Variants in PHYKPL observed in about 807,000 individuals in gnomAD.
PHYKPL encodes the protein 5-phosphonooxy-L-lysine phospho-lyase.
Under a neutral mutation model 51.3 loss-of-function variants are expected in PHYKPL, and 42 were observed. The observed-to-expected ratio is 0.82, with a 90% CI of 0.64 to 1.06. The LOEUF is 1.06. Among genes scored for constraint, PHYKPL ranks in the 50% least tolerant of loss-of-function variants. The pLI, the probability that PHYKPL is intolerant of heterozygous loss-of-function variation, is 0.00. For synonymous variants in PHYKPL, 264 were observed against 236.0 expected (o/e 1.12, Z -1.09); for missense variants, 655 against 586.6 (o/e 1.12, Z -1.20).
At chr5:178,226,888 CGT>C (rs746687791) in intron 3 of PHYKPL, among the ~76,000 whole-genome samples, 5 of 151,886 alleles carry the variant, frequency 3.3e-5, no homozygotes, top group South Asian at 2.1e-4. Context: ...AAAATGAATG[CGT>C]GTGTTTGTAT....
At chr5:178,228,872 C>G (rs906540309) in intron 3 of PHYKPL, among the ~76,000 whole-genome samples, 1 of 152,174 alleles carries the variant, frequency 6.6e-6, no homozygotes, top group Non-Finnish European at 1.5e-5. Context: ...TGATTAAAGC[C>G]TCCGATAGTT....
rs1437953201 is a variant in PHYKPL at position 178,222,895 on chromosome 5, C to T, written c.658G>A (p.Gly220Arg). The change falls in exon 7 of 13, where the codon GGG becomes AGG. Residue 220 changes from glycine to arginine, a missense_variant. Transcript: ENST00000308158. ...TAGCCAGCAGGGGGAATGATCTGCC[C>T]TCCCACACTGGGCAGAGACTCAGCG... ...FFAESLPSVG[G>R]QIIPPAGYFS... 10 of 1,614,048 alleles carry T rather than the reference C, an allele frequency of 6.2e-6. No homozygotes were observed. The highest frequency in any genetic ancestry group is 8.5e-6 in the Non-Finnish European group (10 of 1,180,040).
rs548919221 is a variant in PHYKPL, at chr5:178,208,832, A to T, written c.*115T>A. The T allele has an allele frequency of 2.6e-5, 4 of 153,554 alleles. No homozygotes were observed. Among genetic ancestry groups the T allele is most frequent in the African/African-American group, 9.6e-5 (4 of 41,588 alleles). 9.5% of individuals were successfully genotyped at this position (153,554 alleles called of 1,614,324 possible). ...GCCTCGGGCAGGCCCCCCCACCCTG[A>T]GCCTCTGAAAGCTGACTTTATCTGT... On this transcript the variant is annotated 3_prime_UTR_variant, in exon 13 of 13. Transcript: ENST00000308158.
intron 8 of PHYKPL, 198 bp from the exon 9 acceptor site, chr5:178,215,628 T>C (rs1759620594): frequency 1.7e-6 from 1 of 594,434 alleles, no homozygotes. Flanking sequence ...CAGGAGCTAA[T>C]GTGACTGCAA....
downstream of PHYKPL, chr5:178,207,297 G>A (rs2113547009): frequency 5.7e-6 from 9 of 1,568,860 alleles, no homozygotes; most frequent in Non-Finnish European, 7.8e-6. Flanking sequence ...TGGGTTAGGG[G>A]TTGGGCCTCA....
chr5:178,211,220 C>CTG (rs1758256150), intron 12 of PHYKPL: 1 of 140,252 alleles, frequency 7.1e-6, no homozygotes, highest in Admixed American at 7.1e-5. Flanking sequence ...TCGAGGGAGG[C>CTG]GGGGGGGGGG....
At chr5:178,222,763 G>T in intron 7 of PHYKPL, 89 bp downstream of exon 7, 1 of 1,476,816 alleles carries the variant, frequency 6.8e-7, no homozygotes, top group South Asian at 1.2e-5. Flanking sequence ...TGGCAGTCAG[G>T]ACAGGCTGAG....
At chr5:178,210,907 T>C in intron 12 of PHYKPL, 1 of 493,904 alleles carries the variant, frequency 2.0e-6, no homozygotes, top group South Asian at 2.5e-5. Context: ...GCTGCCGCTC[T>C]GCAGCCTGGA....
chr5:178,231,444 CCT>C lies in PHYKPL; in HGVS notation c.137_138del (p.Gln46ArgfsTer27), dbSNP rs756008627. On this transcript the variant is annotated frameshift_variant, in exon 2 of 13. Coordinates refer to ENST00000308158, the MANE Select transcript of PHYKPL (RefSeq NM_153373.4). LOFTEE classifies it high-confidence loss of function. ...CTGATGCAATCGATGTATTCTGCCC[CCT>C]GTTCATCGTACATGTACTGCCCTTG... ...RAQGQYMYDEQGAEYIDCISN... is the reference protein window; with the variant it reads ...RAQGQYMYDEXGAEYIDCISN... The C allele has an allele frequency of 1.1e-5, 18 of 1,614,092 alleles. No homozygotes were observed. The highest frequency in any genetic ancestry group is 2.2e-5 in the East Asian group (1 of 44,896).
intron 12 of PHYKPL, chr5:178,210,642 C>A: frequency 6.3e-7 from 1 of 1,587,020 alleles, no homozygotes; most frequent in Non-Finnish European, 8.7e-7. Flanking sequence ...CAGGAGCGAC[C>A]AACTGATCGC....
intron 12 of PHYKPL, chr5:178,210,623 A>AG: frequency 1.2e-6 from 2 of 1,613,124 alleles, no homozygotes; most frequent in Non-Finnish European, 1.7e-6. Flanking sequence ...AGCCATACTG[A>AG]GGCGGCAGCA....
chr5:178,222,989 T>G (rs1336494198), intron 6 of PHYKPL, 55 bp from the exon 7 acceptor site: 1 of 1,556,314 alleles, frequency 6.4e-7, no homozygotes, highest in Non-Finnish European at 8.8e-7. Flanking sequence ...GTGACCGGCT[T>G]AGCGTGCCCT....
rs184725001 is a variant in PHYKPL, at chr5:178,229,799, C to T, written c.338+141G>A. 100 of 1,042,076 alleles carry T rather than the reference C, an allele frequency of 9.6e-5. 1 individual carries two copies. In the East Asian group the frequency reaches 1.1e-3, roughly 11 times the overall value. The allele number at this position is 1,042,076 out of a possible 1,614,324, so 64.6% of individuals were successfully genotyped here. A position where few individuals can be genotyped will look rare whatever the true frequency, so the allele number is the denominator to read the frequency against. On this transcript the variant is annotated intron_variant, in intron 3 of 12. Transcript: ENST00000308158. ...CAGAGAAAGCATCAGGGCCTACAGC[C>T]GGGAATCTCAGGAGCCTGGTGCAGT... is the stretch of plus-strand genomic sequence containing the variant.
Position 178,232,504 on chromosome 5 carries a change from T to G in PHYKPL, c.47A>C (p.Gln16Pro). Residue 16 changes from glutamine to proline, a missense_variant, in exon 1 of 13, where the codon CAA becomes CCA. Physicochemically the swap from Gln to Pro is moderately conservative, Grantham distance 76. Transcript: ENST00000308158. ...RPKADTLALR[Q>P]RLISSSCRLF... ...CCCGCCCGGGTACCTGATGAGCCGT[T>G]GCCTCAGGGCCAGCGTGTCGGCCTT... 7.4e-7 allele frequency: 1 copy of G among 1,345,690 alleles called. No individual in the cohort carries two copies. The allele number at this position is 1,345,690 out of a possible 1,614,324, so 83.4% of individuals were successfully genotyped here.
rs771616200 is a variant in PHYKPL at position 178,210,162 on chromosome 5, G to A, written c.*32-1247C>T. On this transcript the variant is annotated intron_variant, in intron 12 of 12. Transcript: ENST00000308158. ...AGTCAGAGTTGGAATCAGGGCTACG[G>A]CAACTACTGGAACCAGGGCTACGGC... 1.2e-5 allele frequency: 20 copies of A among 1,613,902 alleles called. No individual in the cohort carries two copies. The highest frequency in any genetic ancestry group is 1.5e-5 in the Non-Finnish European group (18 of 1,179,890).
chr5:178,216,961 G>C lies in PHYKPL; in HGVS notation c.928-1531C>G, dbSNP rs990324382. 3 of 152,296 alleles carry C rather than the reference G, an allele frequency of 2.0e-5. 1 individual carries two copies. The highest frequency in any genetic ancestry group is 4.4e-5 in the Non-Finnish European group (3 of 68,036). 9.4% of individuals were successfully genotyped at this position (152,296 alleles called of 1,614,324 possible). ...GCAGGAGGATCACTTGAGCTCCAGA[G>C]GCTGAAGCTGCAGTGAGCCAAGACT... On this transcript the variant is annotated intron_variant, in intron 8 of 12. Transcript: ENST00000308158.
chr5:178,225,274 C>T, intron 4 of PHYKPL, 81 bp downstream of exon 4: 1 of 1,532,440 alleles, frequency 6.5e-7, no homozygotes, highest in Non-Finnish European at 9.0e-7. Flanking sequence ...CTGCCTAAGG[C>T]ACCCAGAGTC....
intron 12 of PHYKPL, chr5:178,210,316 C>T: frequency 6.2e-7 from 1 of 1,612,996 alleles, no homozygotes; most frequent in South Asian, 1.1e-5. Context: ...CCCCTCGTCC[C>T]CAGGGGAGGC....
chr5:178,228,273 G>A (rs1762677598), intron 3 of PHYKPL: 1 of 487,864 alleles, frequency 2.0e-6, no homozygotes, highest in Non-Finnish European at 3.7e-6. Flanking sequence ...AAGAAGACAG[G>A]GAAGGAGTGG....
Sources: gnomAD v4.1 joint callset for allele counts (sites outside exome capture counted in the v4.1 genomes callset) on GRCh38, gnomAD v4.1.1 for gene constraint, MANE v1.5 for transcripts, NCBI Gene and HGNC (gene_info 2026-07-23, HGNC 2026-07-21) for gene names.